The following THAP8 variants were observed in gnomAD, a reference collection of about 807,000 sequenced individuals.
THAP8 encodes the protein THAP domain-containing protein 8.
Under a neutral mutation model 25.0 loss-of-function variants are expected in THAP8, and 24 were observed. The ratio of observed to expected loss-of-function variants is 0.96; its 90% confidence interval spans 0.69 to 1.35. The LOEUF is 1.35. Ranked by LOEUF, THAP8 falls within the 40% of genes most tolerant of loss-of-function variation. The pLI is 0.00. For missense variants in THAP8, 399 were observed against 368.8 expected, an observed-to-expected ratio of 1.08 and a Z score of -0.67; for synonymous variants, 169 against 157.6, an observed-to-expected ratio of 1.07 and a Z score of -0.54.
chr19:36,044,077 G>C (rs1969794694), intron 1 of THAP8, among the ~76,000 whole-genome samples: 1 of 151,984 alleles, frequency 6.6e-6, no homozygotes, highest in South Asian at 2.1e-4. Flanking sequence ...TGGGCTCAAG[G>C]CTACCCATAA....
chr19:36,040,290 T>C (rs974857116), intron 1 of THAP8, among the ~76,000 whole-genome samples, 154 bp from the exon 2 acceptor site: 1 of 152,194 alleles, frequency 6.6e-6, no homozygotes, highest in African/African-American at 2.4e-5. Flanking sequence ...CTCTATCTCA[T>C]ACACACAACC....
At chr19:36,038,447 C>A (rs1315806688) in intron 3 of THAP8, among the ~76,000 whole-genome samples, 4 of 151,720 alleles carry the variant, frequency 2.6e-5, no homozygotes, top group Non-Finnish European at 5.9e-5. Context: ...GTGAGACAGT[C>A]TTACCATGTT....
intron 3 of THAP8, among the ~76,000 whole-genome samples, chr19:36,038,098 A>G (rs965047603): frequency 6.6e-6 from 1 of 151,402 alleles, no homozygotes; most frequent in Non-Finnish European, 1.5e-5. Context: ...GTGCGCCACC[A>G]TGCCCAACTA....
chr19:36,039,869 G>A, intron 2 of THAP8, 75 bp downstream of exon 2: 1 of 1,599,118 alleles, frequency 6.3e-7, no homozygotes. Flanking sequence ...CCAAAGTTCA[G>A]ACTCAAGGAG....
At chr19:36,043,793 C>G (rs1474962234) in intron 1 of THAP8, among the ~76,000 whole-genome samples, 3 of 152,102 alleles carry the variant, frequency 2.0e-5, no homozygotes, top group African/African-American at 4.8e-5. Context: ...GAGGCTGAGG[C>G]AGAAGAATTA....
intron 1 of THAP8, among the ~76,000 whole-genome samples, chr19:36,043,272 T>C (rs138585647): frequency 0.015 from 2,207 of 152,186 alleles, 23 homozygotes; most frequent in Non-Finnish European, 0.023. Context: ...ACAACACAGA[T>C]GAACTCTGAG....
Position 36,039,312 on chromosome 19 carries a change from G to C in THAP8, c.672+11C>G. 5 of 1,458,654 alleles carry C rather than the reference G, an allele frequency of 3.4e-6. No homozygotes were observed. The highest frequency in any genetic ancestry group is 4.5e-6 in the Non-Finnish European group (5 of 1,111,798). The allele number at this position is 1,458,654 out of a possible 1,614,324, so 90.4% of individuals were successfully genotyped here. Reference sequence around the variant, plus strand: ...CCATGGATGGGGCTGCCAGGCTGGGGTGCCACTCACCAGGCGCTGCAGACC... The same window carrying C: ...CCATGGATGGGGCTGCCAGGCTGGGCTGCCACTCACCAGGCGCTGCAGACC... On this transcript the variant is annotated intron_variant, in intron 3 of 3. Transcript: ENST00000292894.
upstream of THAP8, chr19:36,054,433 T>C (rs74996291): frequency 1.5e-3 from 940 of 614,004 alleles, 19 homozygotes; most frequent in East Asian, 0.024. Context: ...GAATGGGCCA[T>C]AGCGAGTACT....
chr19:36,047,138 C>A (rs1165112300), intron 1 of THAP8, among the ~76,000 whole-genome samples: 1 of 152,192 alleles, frequency 6.6e-6, no homozygotes, highest in African/African-American at 2.4e-5. Flanking sequence ...CTGAGCTATA[C>A]CCCCATGTTC....
chr19:36,040,828 C>T (rs772822619), intron 1 of THAP8, among the ~76,000 whole-genome samples: 4 of 152,016 alleles, frequency 2.6e-5, no homozygotes, highest in South Asian at 2.1e-4. Flanking sequence ...TGTGGGAGAT[C>T]GTGCAGCCAA....
intron 3 of THAP8, among the ~76,000 whole-genome samples, chr19:36,036,272 C>CTTTTTTTTT (rs35918803): frequency 9.1e-6 from 1 of 110,468 alleles, no homozygotes; most frequent in Non-Finnish European, 1.7e-5. Flanking sequence ...AAAGACCAGA[C>CTTTTTTTTT]TTTTTTTTTT....
At chr19:36,053,040 T>C (rs1305954469) in intron 1 of THAP8, among the ~76,000 whole-genome samples, 2 of 151,616 alleles carry the variant, frequency 1.3e-5, no homozygotes, top group East Asian at 4.0e-4. Flanking sequence ...CTGGACAACA[T>C]AGGGTGATCC....
At chr19:36,038,472 T>G (rs57543594) in intron 3 of THAP8, among the ~76,000 whole-genome samples, 1 of 151,734 alleles carries the variant, frequency 6.6e-6, no homozygotes, top group African/African-American at 2.4e-5. Context: ...AGGCTGGTCT[T>G]GAACTCCTAG....
chr19:36,049,025 C>T (rs915644821), intron 1 of THAP8, among the ~76,000 whole-genome samples: 1 of 151,696 alleles, frequency 6.6e-6, no homozygotes, highest in African/African-American at 2.4e-5. Flanking sequence ...AGTGATAGGT[C>T]CCCCATAAGA....
chr19:36,042,772 T>G (rs369566573), intron 1 of THAP8, among the ~76,000 whole-genome samples: 77 of 152,220 alleles, frequency 5.1e-4, no homozygotes, highest in Middle Eastern at 6.8e-3. Context: ...GTCTTTTTTT[T>G]GGGGGGAGGG....
In THAP8 at chr19:36,054,208, A is replaced by G; in HGVS notation, c.10T>C (p.Tyr4His). The change falls in exon 1 of 4, where the codon TAC becomes CAC. Residue 4 changes from tyrosine to histidine, a missense_variant. Tyr to His is a moderately conservative substitution (Grantham distance 83). Coordinates refer to ENST00000292894, the MANE Select transcript of THAP8 (RefSeq NM_152658.3). The part of the protein sequence containing the change: MPK[Y>H]CRAPNCSNTA... ...TTGGAGCAGTTCGGCGCCCTGCAGT[A>G]CTTGGGCATGGCTATCCAGCCCCCG... 1 of 1,613,688 alleles carries G rather than the reference A, an allele frequency of 6.2e-7. No individual in the cohort carries two copies. The highest frequency in any genetic ancestry group is 1.1e-5 in the South Asian group (1 of 90,986).
chr19:36,052,567 T>C (rs936685547), intron 1 of THAP8, among the ~76,000 whole-genome samples: 3 of 152,366 alleles, frequency 2.0e-5, no homozygotes, highest in Middle Eastern at 3.4e-3. Flanking sequence ...AACTAAGCAG[T>C]GTTCAGATTG....
chr19:36,044,008 A>ACTTATTCCCAGCATCTGCTCTTACC (rs1969792825), intron 1 of THAP8, among the ~76,000 whole-genome samples: 1 of 152,164 alleles, frequency 6.6e-6, no homozygotes, highest in African/African-American at 2.4e-5. Flanking sequence ...TCCGGGTGCC[A>ACTTATTCCCAGCATCTGCTCTTACC]CTTATTCCCA....
Position 36,039,345 on chromosome 19 carries a change from G to T in THAP8, c.650C>A (p.Ala217Glu). 6.6e-7 allele frequency: 1 copy of T among 1,525,458 alleles called. No homozygotes were observed. Among genetic ancestry groups the T allele is most frequent in the Non-Finnish European group, 8.8e-7 (1 of 1,141,352 alleles). The allele number at this position is 1,525,458 out of a possible 1,614,324, so 94.5% of individuals were successfully genotyped here. Residue 217 changes from alanine (A) to glutamate (E), a missense_variant, in exon 3 of 4, where the codon GCA (alanine) becomes GAA (glutamate). By Grantham distance (107) the Ala-to-Glu change is moderately radical. Transcript: ENST00000292894. ...CACCAGGCGCTGCAGACCCCGGCGT[G>T]CCCGTGCCAGCAGGCTCTCCCCGTG... ...QLHGESLLAR[A>E]RRGLQRLTTA...
Sources: gnomAD v4.1 joint callset for allele counts (sites outside exome capture counted in the v4.1 genomes callset) on GRCh38, gnomAD v4.1.1 for gene constraint, MANE v1.5 for transcripts, NCBI Gene and HGNC (gene_info 2026-07-23, HGNC 2026-07-21) for gene names.